SETD1B: variants seen among roughly 807,000 people sequenced by gnomAD.
SETD1B encodes SET domain containing 1B, histone lysine methyltransferase, also known as histone-lysine N-methyltransferase SETD1B.
Under a neutral mutation model 148.0 loss-of-function variants are expected in SETD1B, and 7 were observed. The ratio of observed to expected loss-of-function variants is 0.05; its 90% CI spans 0.03 to 0.09. The LOEUF is 0.09. SETD1B is among the 10% of genes least tolerant of loss of function. The pLI, the probability that SETD1B is intolerant of heterozygous loss-of-function variation, is 1.00. For missense variants in SETD1B, 2,155 were observed against 2,729.9 expected, an observed-to-expected ratio of 0.79 and a Z score of 4.69; for synonymous variants, 1,361 against 1,186.5, an observed-to-expected ratio of 1.15 and a Z score of -3.02.
chr12:121,829,932 A>C, intron 16 of SETD1B, 134 bp from the exon 17 acceptor site: 1 of 718,616 alleles, frequency 1.4e-6, no homozygotes, highest in Non-Finnish European at 2.2e-6. Flanking sequence ...GCCAAGGTCC[A>C]GAGCAGAGCA....
chr12:121,821,180 T>C (rs1054357754), intron 11 of SETD1B, among the ~76,000 whole-genome samples: 11 of 152,196 alleles, frequency 7.2e-5, no homozygotes, highest in African/African-American at 2.4e-4. Flanking sequence ...TAAGCCTCTA[T>C]TGTGTCCCTG....
At position 121,831,009 on chromosome 12, in the gene SETD1B, C is replaced by T. The variant is rs1255889269; in HGVS notation, c.*770C>T. The T allele has an allele frequency of 2.6e-5, 4 of 152,524 alleles. No homozygotes were observed. Among genetic ancestry groups the T allele is most frequent in the African/African-American group, 9.6e-5 (4 of 41,476 alleles). 9.4% of individuals were successfully genotyped at this position (152,524 alleles called of 1,614,324 possible). On this transcript the variant is annotated 3_prime_UTR_variant, in exon 17 of 17. Transcript: ENST00000604567. ...CCCTGCCACCTCACACCCCAGCACC[C>T]CCTAAACCTTGGGTTCAATGTTTAC...
Position 121,810,294 on chromosome 12 carries a change from C to T in SETD1B, c.1349C>T (p.Thr450Met), listed in dbSNP as rs969248806. The T allele has an allele frequency of 1.9e-5, 29 of 1,543,116 alleles. No individual in the cohort carries two copies. Among genetic ancestry groups the T allele is most frequent in the Middle Eastern group, 1.7e-4 (1 of 6,008 alleles). ...CCTCTGGCCAAGGAGAAGCCAGGCA[C>T]GCCACCCGGCCCGCCGCCCCCCGAC... ...AEPLAKEKPG[T>M]PPGPPPPDTN... The change falls in exon 6 of 17, where the codon ACG becomes ATG. Residue 450 changes from threonine (T) to methionine (M), a missense_variant. Around this residue, in one of 11 missense-constraint regions of SETD1B, gnomAD observed 376 missense variants for 385.0 expected, o/e 0.98. Coordinates refer to ENST00000604567, the MANE Select transcript of SETD1B (RefSeq NM_001353345.2). The surrounding 1 kb of genome is among the most constrained non-coding windows in gnomAD (Gnocchi z 7.6).
intron 10 of SETD1B, among the ~76,000 whole-genome samples, chr12:121,818,725 AT>A (rs1404705484): frequency 1.3e-5 from 2 of 150,832 alleles, no homozygotes; most frequent in Non-Finnish European, 2.9e-5. Context: ...CCCGTCTCTA[AT>A]AAAAATACAA....
At chr12:121,791,049 C>G in the SETD1B span, among the ~76,000 whole-genome samples, 2 of 151,104 alleles carry the variant, frequency 1.3e-5, no homozygotes, top group African/African-American at 4.9e-5. Context: ...AATTTTTATA[C>G]TTTTAGTAGA....
chr12:121,830,037 G>A lies in SETD1B; in HGVS notation c.5728-29G>A, dbSNP rs367907901. The A allele has an allele frequency of 5.2e-6, 8 of 1,539,596 alleles. No individual in the cohort carries two copies. The highest frequency in any genetic ancestry group is 2.5e-5 in the East Asian group (1 of 40,654). On this transcript the variant is annotated intron_variant, in intron 16 of 16. Transcript: ENST00000604567. The surrounding 1 kb of genome is among the most constrained non-coding windows in gnomAD (Gnocchi z 5.7). Reference sequence around the variant, plus strand: ...GGTGGGGGACCCTGGGGGACCAGGGGCTCATTCTCCCCCCCACCTTGCCTG... The same window carrying A: ...GGTGGGGGACCCTGGGGGACCAGGGACTCATTCTCCCCCCCACCTTGCCTG...
At position 121,822,743 on chromosome 12, in the gene SETD1B, G is replaced by C. The variant is rs937085254; in HGVS notation, c.4164G>C (p.Pro1388=). The C allele has an allele frequency of 1.1e-4, 169 of 1,515,566 alleles. No homozygotes were observed. The highest frequency in any genetic ancestry group is 1.5e-4 in the Non-Finnish European group (167 of 1,124,128). 93.9% of individuals were successfully genotyped at this position (1,515,566 alleles called of 1,614,324 possible). A position where few individuals can be genotyped will look rare whatever the true frequency, so the allele number is the denominator to read the frequency against. ...CAGCCACACCAGGCGGGGAGCCCCC[G>C]CTATCAGGGGGCAGCAGTGGCCTGT... ...TVPATPGGEP[P]LSGGSSGLSL... is the part of the protein sequence containing the mutation. Residue 1388 remains proline (P), a synonymous_variant, in exon 12 of 17, where the codon CCG becomes CCC. Coordinates refer to ENST00000604567, the MANE Select transcript of SETD1B (RefSeq NM_001353345.2).
rs1566561235 is a variant in SETD1B, at chr12:121,827,718, C to G, written c.5470-17C>G. ...CCTGAGACCGGGGCTCACCTCTCCCCCTCTTCCCTCCCACAGTTCCGGAAG... is the reference window on the plus strand; with the variant it reads ...CCTGAGACCGGGGCTCACCTCTCCCGCTCTTCCCTCCCACAGTTCCGGAAG... On this transcript the variant is annotated splice_polypyrimidine_tract_variant and intron_variant, in intron 14 of 16. Transcript: ENST00000604567. 2.6e-6 allele frequency: 4 copies of G among 1,551,736 alleles called. No homozygotes were observed. The highest frequency in any genetic ancestry group is 2.4e-5 in the East Asian group (1 of 40,938).
At chr12:121,815,492 T>C (rs568739252) in intron 7 of SETD1B, among the ~76,000 whole-genome samples, 1 of 151,408 alleles carries the variant, frequency 6.6e-6, no homozygotes, top group South Asian at 2.1e-4. Context: ...CACGGAGCCC[T>C]GTCTTGGACC....
In SETD1B at chr12:121,823,786, G is replaced by T. The variant is rs889129449; in HGVS notation, c.5170+37G>T. On this transcript the variant is annotated intron_variant, in intron 12 of 16. Transcript: ENST00000604567. ...GCATGGGGGGCTCTGCACCTTCTGG[G>T]ATGCAGGAAGTCCCTGCTCACCTCT... 13 of 1,508,238 alleles carry T rather than the reference G, an allele frequency of 8.6e-6. No individual in the cohort carries two copies. The African/African-American group carries it at 1.5e-4, about 18-fold the overall frequency. The allele number at this position is 1,508,238 out of a possible 1,614,324, so 93.4% of individuals were successfully genotyped here. A position where few individuals can be genotyped will look rare whatever the true frequency, so the allele number is the denominator to read the frequency against.
In SETD1B at chr12:121,814,296, CA is replaced by C; in HGVS notation, c.2082del (p.Pro695HisfsTer29). 8.0e-7 allele frequency: 1 copy of C among 1,244,870 alleles called. No homozygotes were observed. The highest frequency in any genetic ancestry group is 1.1e-6 in the Non-Finnish European group (1 of 923,822). 77.1% of individuals were successfully genotyped at this position (1,244,870 alleles called of 1,614,324 possible). ...GGCTTCCCCCCGCTGCCCCCCCCAC[CA>C]CCACCACCCCCACCGCAGCCTGGCT... ...PPGFPPLPPP[P>X]PPPPPQPGFP... On this transcript the variant is annotated frameshift_variant, in exon 7 of 17. Transcript: ENST00000604567. LOFTEE classifies it high-confidence loss of function.
chr12:121,798,909 A>T, the SETD1B span, among the ~76,000 whole-genome samples: 1 of 152,240 alleles, frequency 6.6e-6, no homozygotes, highest in South Asian at 2.1e-4. Context: ...AATGAAATCA[A>T]TTACTATGTG....
chr12:121,792,348 C>A, the SETD1B span, among the ~76,000 whole-genome samples: 29 of 152,340 alleles, frequency 1.9e-4, no homozygotes, highest in African/African-American at 6.3e-4. Context: ...GTTGATGAAG[C>A]CCAGATGGGA....
At chr12:121,806,170 C>A (rs1875728830) in intron 4 of SETD1B, 65 bp downstream of exon 4, 2 of 1,508,074 alleles carry the variant, frequency 1.3e-6, no homozygotes, top group Non-Finnish European at 1.8e-6. Flanking sequence ...CCCCACCCTT[C>A]CTGCAGCGTG....
chr12:121,827,956 G>A lies in SETD1B; in HGVS notation c.5613G>A (p.Lys1871=). 6.4e-7 allele frequency: 1 copy of A among 1,552,072 alleles called. No individual in the cohort carries two copies. The highest frequency in any genetic ancestry group is 8.7e-7 in the Non-Finnish European group (1 of 1,147,100). ...IRQVIADMRE[K]RYEDEGIGSS... is the part of the protein sequence containing the mutation. ...AGGTGATCGCAGACATGCGGGAGAA[G>A]CGTTATGAGGACGAGGGCATCGGGA... Residue 1871 remains lysine (K), a synonymous_variant, in exon 16 of 17, where the codon AAG becomes AAA. Coordinates refer to ENST00000604567, the MANE Select transcript of SETD1B (RefSeq NM_001353345.2).
chr12:121,809,548 C>T lies in SETD1B; in HGVS notation c.658-55C>T, dbSNP rs1054219822. 4.0e-6 allele frequency: 6 copies of T among 1,482,852 alleles called. No individual in the cohort carries two copies. In the African/African-American group the frequency reaches 5.6e-5, roughly 14 times the overall value. 91.9% of individuals were successfully genotyped at this position (1,482,852 alleles called of 1,614,324 possible). On this transcript the variant is annotated intron_variant, in intron 5 of 16. Transcript: ENST00000604567. ...CAGCCAGAGTGAGAAGGGAAAATAG[C>T]CCTGTTCCATTGCATGTTTTCCCCC... is the stretch of plus-strand genomic sequence containing the variant.
At chr12:121,825,422 C>G in intron 13 of SETD1B, 56 bp downstream of exon 13, 1 of 1,498,902 alleles carries the variant, frequency 6.7e-7, no homozygotes, top group South Asian at 1.2e-5. Flanking sequence ...CACGGGGATC[C>G]AGGGCACTCA....
chr12:121,818,240 T>C (rs1002595765), intron 10 of SETD1B, among the ~76,000 whole-genome samples: 2 of 152,198 alleles, frequency 1.3e-5, no homozygotes, highest in Non-Finnish European at 2.9e-5. Context: ...ATTACAAATG[T>C]ACTAAATGCT....
In SETD1B at chr12:121,804,383, C is replaced by G. The variant is rs1875598817; in HGVS notation, c.-15+150C>G. On this transcript the variant is annotated intron_variant, in intron 1 of 16. Coordinates refer to ENST00000604567, the MANE Select transcript of SETD1B (RefSeq NM_001353345.2). This position sits in a 1 kb window ranked among gnomAD's most constrained non-coding sequence, Gnocchi z 4.6. The stretch of plus-strand genomic sequence containing the variant: ...AGCCTCGCGCCAGAGCCGGGCCGAG[C>G]TAGCGGGTGAGCGCCACGCCGGGCG... 6.8e-6 allele frequency: 1 copy of G among 147,376 alleles called. No homozygotes were observed. Among genetic ancestry groups the G allele is most frequent in the Non-Finnish European group, 1.5e-5 (1 of 66,596 alleles). The allele number at this position is 147,376 out of a possible 1,614,324, so 9.1% of individuals were successfully genotyped here. A position where few individuals can be genotyped will look rare whatever the true frequency, so the allele number is the denominator to read the frequency against.
Sources: allele counts gnomAD v4.1 joint callset (sites outside exome capture counted in the v4.1 genomes callset), GRCh38; gene constraint gnomAD v4.1.1; regional missense constraint gnomAD v4.1.1; non-coding constraint Gnocchi (gnomAD v3.1); transcripts MANE v1.5; gene names NCBI Gene and HGNC (gene_info 2026-07-23, HGNC 2026-07-21).